The following PARD3B variants were observed in gnomAD, a reference collection of about 807,000 sequenced individuals.
PARD3B encodes the protein partitioning defective 3 homolog B.
Under a neutral mutation model 130.2 loss-of-function variants are expected in PARD3B, and 103 were observed. The observed-to-expected ratio is 0.79, with a 90% confidence interval of 0.67 to 0.93. The LOEUF is 0.93. PARD3B is among the 40% of genes least tolerant of loss of function. The pLI is 0.00. For missense variants in PARD3B, 1,609 were observed against 1,499.2 expected, an observed-to-expected ratio of 1.07 and a Z score of -1.21; for synonymous variants, 583 against 553.2, an observed-to-expected ratio of 1.05 and a Z score of -0.76.
intron 21 of PARD3B, among the ~76,000 whole-genome samples, chr2:205,513,166 T>C (rs2050657222): frequency 6.6e-6 from 1 of 152,082 alleles, no homozygotes; most frequent in African/African-American, 2.4e-5. Flanking sequence ...TCACAATTAA[T>C]GTGAATGATA....
chr2:205,266,189 C>A (rs1245802012), intron 16 of PARD3B, among the ~76,000 whole-genome samples: 1 of 152,066 alleles, frequency 6.6e-6, no homozygotes, highest in African/African-American at 2.4e-5. Context: ...TTATTCAACA[C>A]TAAAATGCAG....
At chr2:204,702,482 A>G (rs76692543) in intron 2 of PARD3B, among the ~76,000 whole-genome samples, 8,396 of 152,262 alleles carry the variant, frequency 0.055, 671 homozygotes, top group African/African-American at 0.17. Flanking sequence ...GCGGTTCTCC[A>G]GTGATTAATA....
Position 204,600,960 on chromosome 2 carries a change from A to G in PARD3B, c.120+54841A>G, listed in dbSNP as rs201715224. Reference sequence around the variant, plus strand: ...TTTTTTCTGAGTAAATCTATTATGGATGAACTTGGGGATTTTGTTTGTCAA... The same window carrying G: ...TTTTTTCTGAGTAAATCTATTATGGGTGAACTTGGGGATTTTGTTTGTCAA... On this transcript the variant is annotated intron_variant, in intron 1 of 22. Coordinates refer to ENST00000406610, the MANE Select transcript of PARD3B (RefSeq NM_001302769.2). Among the ~76,000 whole-genome samples, 19 of 151,732 alleles carry G rather than the reference A, an allele frequency of 1.3e-4. No individual in the cohort carries two copies. In the East Asian group the frequency reaches 2.1e-3, roughly 17 times the overall value.
At chr2:205,200,251 C>G (rs770098325) in intron 15 of PARD3B, among the ~76,000 whole-genome samples, 1 of 152,082 alleles carries the variant, frequency 6.6e-6, no homozygotes, top group Non-Finnish European at 1.5e-5. Flanking sequence ...ATAACATATA[C>G]CATAAAACGA....
intron 18 of PARD3B, among the ~76,000 whole-genome samples, chr2:205,314,305 A>G (rs1426352222): frequency 1.3e-5 from 2 of 152,204 alleles, no homozygotes; most frequent in Non-Finnish European, 2.9e-5. Context: ...GAAGTGAAGC[A>G]GCCTCCCGAG....
chr2:204,990,942 C>G (rs1167308517), intron 3 of PARD3B, among the ~76,000 whole-genome samples: 1 of 152,144 alleles, frequency 6.6e-6, no homozygotes, highest in East Asian at 1.9e-4. Context: ...GATCAATTGT[C>G]AGGCATCATT....
intron 2 of PARD3B, among the ~76,000 whole-genome samples, chr2:204,855,731 T>C (rs2125616233): frequency 6.6e-6 from 1 of 152,158 alleles, no homozygotes; most frequent in Middle Eastern, 3.4e-3. Context: ...CATATTCTGG[T>C]ACCCACCTTT....
chr2:204,852,617 A>G (rs972458443), intron 2 of PARD3B, among the ~76,000 whole-genome samples: 1 of 152,188 alleles, frequency 6.6e-6, no homozygotes, highest in Non-Finnish European at 1.5e-5. Context: ...ATATTTCTCA[A>G]GAGGCTGAGG....
Position 204,838,605 on chromosome 2 carries a change from A to G in PARD3B, c.223-126547A>G, listed in dbSNP as rs1351282746. ...GCAGGGCCATTTTTGAGCTATGGGT[A>G]CACATATACAGTGTGATAGAAGAAA... On this transcript the variant is annotated intron_variant, in intron 2 of 22. Coordinates refer to ENST00000406610, the MANE Select transcript of PARD3B (RefSeq NM_001302769.2). 3.3e-5 allele frequency among the ~76,000 whole-genome samples: 5 copies of G among 152,158 alleles called. No homozygotes were observed. The South Asian group carries it at 6.2e-4, about 19-fold the overall frequency.
At chr2:204,651,230 C>A (rs2035465833) in intron 1 of PARD3B, among the ~76,000 whole-genome samples, 1 of 152,196 alleles carries the variant, frequency 6.6e-6, no homozygotes, top group Non-Finnish European at 1.5e-5. Context: ...AGAGACAAGA[C>A]AAGTCCCTTC....
intron 4 of PARD3B, among the ~76,000 whole-genome samples, chr2:205,057,628 T>TA (rs1699789083): frequency 1.6e-4 from 23 of 143,094 alleles, no homozygotes; most frequent in African/African-American, 6.0e-4. Context: ...TGTATACGTA[T>TA]ATATATACAT....
At chr2:204,899,372 C>T (rs372319983) in intron 2 of PARD3B, among the ~76,000 whole-genome samples, 16 of 151,184 alleles carry the variant, frequency 1.1e-4, no homozygotes, top group African/African-American at 3.7e-4. Flanking sequence ...TTATATTGTT[C>T]GTGAGTCTGT....
chr2:205,615,007 T>TA (rs1212953656), intron 22 of PARD3B, among the ~76,000 whole-genome samples: 12 of 152,214 alleles, frequency 7.9e-5, no homozygotes, highest in Non-Finnish European at 1.6e-4. Context: ...GGGAGGGAAC[T>TA]AATGACCCCA....
At chr2:205,390,476 C>G (rs1284089255) in intron 18 of PARD3B, among the ~76,000 whole-genome samples, 1 of 152,082 alleles carries the variant, frequency 6.6e-6, no homozygotes, top group Non-Finnish European at 1.5e-5. Context: ...TTTTGTCACT[C>G]AACTAATTAA....
rs369718323 is a variant in PARD3B, at chr2:205,298,074, T to C, written c.2186-2456T>C. On this transcript the variant is annotated intron_variant, in intron 16 of 22. Transcript: ENST00000406610. Reference sequence around the variant, plus strand: ...CTTGGACGATTTATTCACTTTCATGTTCCCTGGAATTTATTGCTAAACGTT... The same window carrying C: ...CTTGGACGATTTATTCACTTTCATGCTCCCTGGAATTTATTGCTAAACGTT... Among the ~76,000 whole-genome samples, 26 of 152,310 alleles carry C rather than the reference T, an allele frequency of 1.7e-4. No individual in the cohort carries two copies. The East Asian group carries it at 2.5e-3, about 15-fold the overall frequency.
intron 15 of PARD3B, among the ~76,000 whole-genome samples, chr2:205,198,533 T>G (rs1054980422): frequency 1.3e-5 from 2 of 152,204 alleles, no homozygotes; most frequent in Admixed American, 1.3e-4. Context: ...TAGGAAATGT[T>G]TTTAGACACC....
At chr2:205,371,986 C>T (rs755870879) in intron 18 of PARD3B, among the ~76,000 whole-genome samples, 2 of 152,118 alleles carry the variant, frequency 1.3e-5, no homozygotes, top group Non-Finnish European at 2.9e-5. Context: ...TGTATCAGTA[C>T]GTGTATCCCT....
At chr2:204,613,301 T>G (rs1202695574) in intron 1 of PARD3B, among the ~76,000 whole-genome samples, 1 of 152,160 alleles carries the variant, frequency 6.6e-6, no homozygotes, top group Admixed American at 6.6e-5. Context: ...GTTTTCAGTA[T>G]TATTGTTGAG....
chr2:204,709,977 T>A (rs2038356122), intron 2 of PARD3B, among the ~76,000 whole-genome samples: 1 of 152,218 alleles, frequency 6.6e-6, no homozygotes, highest in East Asian at 1.9e-4. Flanking sequence ...TTAAATATTG[T>A]TTAACCTTCT....
Sources: gnomAD v4.1 joint callset for allele counts (sites outside exome capture counted in the v4.1 genomes callset) on GRCh38, gnomAD v4.1.1 for gene constraint, MANE v1.5 for transcripts, NCBI Gene and HGNC (gene_info 2026-07-23, HGNC 2026-07-21) for gene names.